The following ZNF596 variants were observed in gnomAD, a reference collection of about 807,000 sequenced individuals.
ZNF596 encodes zinc finger protein 596.
ZNF596 carries 45 observed loss-of-function variants against 48.3 expected under a neutral mutation model. That is an observed-to-expected ratio of 0.93 (90% CI 0.73 to 1.19). The LOEUF is 1.19. ZNF596 is among the 50% of genes most tolerant of loss of function. The pLI, the probability that ZNF596 is intolerant of heterozygous loss-of-function variation, is 0.00. For synonymous variants in ZNF596, 270 were observed against 202.0 expected (o/e 1.34, Z -2.85); for missense variants, 848 against 599.7 (o/e 1.41, Z -4.32).
chr8:244,463 A>G (rs775989140), intron 4 of ZNF596, 156 bp from the exon 5 acceptor site: 17 of 615,540 alleles, frequency 2.8e-5, no homozygotes, highest in Non-Finnish European at 4.5e-5. Flanking sequence ...TCAGTAGTCA[A>G]TGTGCTATAA....
chr8:234,920 T>A (rs189757249), intron 1 of ZNF596: 1 of 152,180 alleles, frequency 6.6e-6, no homozygotes, highest in African/African-American at 2.4e-5. Context: ...AGAGAAACTG[T>A]GCATATTAGT....
intron 4 of ZNF596, chr8:244,258 A>G: frequency 4.3e-6 from 1 of 232,122 alleles, no homozygotes; most frequent in African/African-American, 2.3e-5. Flanking sequence ...TTTCTCAGAT[A>G]TTGTCATTAT....
chr8:244,575 C>A (rs1001107804), intron 4 of ZNF596, 44 bp from the exon 5 acceptor site: 4 of 1,372,494 alleles, frequency 2.9e-6, no homozygotes, highest in Non-Finnish European at 4.1e-6. Flanking sequence ...CATTTTTATT[C>A]CCCTAATGCC....
At chr8:232,814 C>T (rs1289906521) in intron 1 of ZNF596, 120 bp downstream of exon 1, 5 of 433,654 alleles carry the variant, frequency 1.2e-5, no homozygotes, top group Non-Finnish European at 1.9e-5. Flanking sequence ...CCCATCCTTC[C>T]CTCCGCCAGG....
rs181359971 is a variant in ZNF596, at chr8:236,207, G to A, written c.-73+3513G>A. On this transcript the variant is annotated intron_variant, in intron 1 of 5. Transcript: ENST00000398612. ...CCTGTTGTAAATAGACACTGATTTTGTGTGTTTGCTTTTTTTAAGGACTAA... is the reference window on the plus strand; with the variant it reads ...CCTGTTGTAAATAGACACTGATTTTATGTGTTTGCTTTTTTTAAGGACTAA... Among the ~76,000 whole-genome samples the A allele has an allele frequency of 1.2e-3, 190 of 152,214 alleles. No individual in the cohort carries two copies. The Middle Eastern group carries it at 0.017, about 14-fold the overall frequency.
chr8:245,093 T>G, intron 5 of ZNF596, 61 bp from the exon 6 acceptor site: 1 of 1,499,240 alleles, frequency 6.7e-7, no homozygotes, highest in South Asian at 1.4e-5. Flanking sequence ...GAGAAATGAA[T>G]GAAGTAATGA....
chr8:234,307 A>C (rs1796540274), intron 1 of ZNF596: 2 of 152,226 alleles, frequency 1.3e-5, no homozygotes, highest in South Asian at 4.1e-4. Context: ...TCACTAGGGA[A>C]GAACGGTGTT....
rs530836868 is a variant in ZNF596, at chr8:245,911, G to A, written c.1064G>A (p.Arg355Gln). The change falls in exon 6 of 6, where the codon CGA (arginine) becomes CAA (glutamine). Residue 355 changes from arginine to glutamine, a missense_variant. Transcript: ENST00000398612. ...SHCSHLRQHERSHNGEKPHGC... is the reference protein window; with the variant it reads ...SHCSHLRQHEQSHNGEKPHGC... ...TGTTCTCACCTTAGACAACATGAGC[G>A]AAGTCACAATGGAGAGAAACCACAT... The A allele has an allele frequency of 3.5e-5, 57 of 1,613,570 alleles. No individual in the cohort carries two copies. Among genetic ancestry groups the A allele is most frequent in the South Asian group, 3.0e-4 (27 of 91,036 alleles).
chr8:241,751 G>T (rs868288375), intron 2 of ZNF596, among the ~76,000 whole-genome samples: 1 of 152,042 alleles, frequency 6.6e-6, no homozygotes, highest in African/African-American at 2.4e-5. Context: ...TTTTCACACC[G>T]CTATAAAAAA....
intron 4 of ZNF596, 33 bp downstream of exon 4, chr8:243,838 G>T: frequency 1.3e-6 from 2 of 1,588,272 alleles, no homozygotes. Context: ...TCAATAGGAG[G>T]AGGAGAAACA....
chr8:244,783 G>A (rs1796997190), intron 5 of ZNF596, 82 bp downstream of exon 5: 5 of 1,138,270 alleles, frequency 4.4e-6, no homozygotes, highest in Non-Finnish European at 6.4e-6. Context: ...ACAGGTACCT[G>A]ACTGTACTTA....
At chr8:234,453 G>A (rs541403818) in intron 1 of ZNF596, 1 of 152,224 alleles carries the variant, frequency 6.6e-6, no homozygotes, top group African/African-American at 2.4e-5. Flanking sequence ...ATGTGGTTGT[G>A]GTAAAGAAAG....
Position 245,855 on chromosome 8 carries a change from A to C in ZNF596, c.1008A>C (p.Glu336Asp), listed in dbSNP as rs765627223. The part of the protein sequence containing the change: ...ERTHNGEKPY[E>D]CHLCGKAFSH... Reference sequence around the variant, plus strand: ...CTCACAATGGAGAGAAACCATATGAATGTCATCTATGTGGAAAAGCCTTCT... The same window carrying C: ...CTCACAATGGAGAGAAACCATATGACTGTCATCTATGTGGAAAAGCCTTCT... The change falls in exon 6 of 6, where the codon GAA becomes GAC. Residue 336 changes from glutamate to aspartate, a missense_variant. Coordinates refer to ENST00000398612, the MANE Select transcript of ZNF596 (RefSeq NM_001042416.3). 4.3e-6 allele frequency: 7 copies of C among 1,614,076 alleles called. No homozygotes were observed. The Admixed American group carries it at 1.2e-4, about 27-fold the overall frequency.
At chr8:237,938 A>G (rs2906329) in intron 1 of ZNF596, among the ~76,000 whole-genome samples, 60,235 of 151,974 alleles carry the variant, frequency 0.4, 12,260 homozygotes, top group African/African-American at 0.46. Flanking sequence ...ATTTGGCATA[A>G]CTCAGCTGTG....
chr8:244,945 G>A (rs1006759984), intron 5 of ZNF596, among the ~76,000 whole-genome samples: 2 of 152,218 alleles, frequency 1.3e-5, no homozygotes, highest in African/African-American at 4.8e-5. Context: ...TAACTAGTCA[G>A]ATAGCTCTTC....
chr8:246,227 C>A lies in ZNF596; in HGVS notation c.1380C>A (p.Tyr460Ter). The change falls in exon 6 of 6, where the codon TAC becomes TAA. Residue 460 changes from tyrosine (Y) to a stop codon, truncating the protein, a stop_gained. Coordinates refer to ENST00000398612, the MANE Select transcript of ZNF596 (RefSeq NM_001042416.3). LOFTEE classifies it high-confidence loss of function. Reference protein sequence around the residue: ...NICGKAFNRSYNFRLHRRVHT... With the variant: ...NICGKAFNRS ...GTGGTAAAGCCTTCAATAGAAGTTA[C>A]AACTTTAGACTTCATAGAAGAGTTC... The A allele has an allele frequency of 6.2e-7, 1 of 1,613,488 alleles. No individual in the cohort carries two copies. Among genetic ancestry groups the A allele is most frequent in the Non-Finnish European group, 8.5e-7 (1 of 1,179,852 alleles).
Position 246,613 on chromosome 8 carries a change from A to C in ZNF596, c.*251A>C. The C allele has an allele frequency of 2.7e-6, 1 of 368,292 alleles. No individual in the cohort carries two copies. Among genetic ancestry groups the C allele is most frequent in the South Asian group, 7.1e-5 (1 of 14,052 alleles). The allele number at this position is 368,292 out of a possible 1,614,324, so 22.8% of individuals were successfully genotyped here. A position where few individuals can be genotyped will look rare whatever the true frequency, so the allele number is the denominator to read the frequency against. ...GGAATGTGGAGGAGTCTTCATCCAC[A>C]GCTCTGTTAAATAAATGGGAGAAAT... On this transcript the variant is annotated 3_prime_UTR_variant, in exon 6 of 6. Transcript: ENST00000398612.
At chr8:233,193 A>G (rs1796485717) in intron 1 of ZNF596, 2 of 453,370 alleles carry the variant, frequency 4.4e-6, no homozygotes, top group Admixed American at 2.4e-5. Flanking sequence ...CTGAGCAAGT[A>G]GTAGTGGGGT....
Position 234,928 on chromosome 8 carries a change from A to T in ZNF596, c.-73+2234A>T, listed in dbSNP as rs541442857. On this transcript the variant is annotated intron_variant, in intron 1 of 5. Transcript: ENST00000398612. ...CATGATTAGAGAAACTGTGCATATT[A>T]GTAGTGAATTAATGTCAGGAATATC... The T allele has an allele frequency of 9.2e-5, 14 of 152,354 alleles. No homozygotes were observed. The East Asian group carries it at 2.5e-3, about 27-fold the overall frequency. The allele number at this position is 152,354 out of a possible 1,614,324, so 9.4% of individuals were successfully genotyped here.
Sources: gnomAD v4.1 joint callset for allele counts (sites outside exome capture counted in the v4.1 genomes callset) on GRCh38, gnomAD v4.1.1 for gene constraint, MANE v1.5 for transcripts, NCBI Gene and HGNC (gene_info 2026-07-23, HGNC 2026-07-21) for gene names.